NLRP1: variants seen among roughly 807,000 people sequenced by gnomAD.
The protein encoded by NLRP1 is NACHT, LRR and PYD domains-containing protein 1.
A neutral mutation model predicts 136.7 loss-of-function variants in NLRP1; 94 were observed. That is an observed-to-expected ratio of 0.69 (90% CI 0.58 to 0.82). The LOEUF is 0.82. NLRP1 is among the 40% of genes least tolerant of loss of function. NLRP1 has a pLI of 0.00. For missense variants in NLRP1, 1,575 were observed against 1,802.7 expected (o/e 0.87, Z 2.29); for synonymous variants, 690 against 725.1 (o/e 0.95, Z 0.78).
chr17:5,512,641 G>C (rs568118944), downstream of NLRP1: 5 of 398,080 alleles, frequency 1.3e-5, no homozygotes, highest in East Asian at 8.4e-5. Context: ...TGTGTGACCT[G>C]TGCGGTCACA....
At chr17:5,555,635 G>A (rs1229826168) in intron 4 of NLRP1, among the ~76,000 whole-genome samples, 1 of 152,104 alleles carries the variant, frequency 6.6e-6, no homozygotes, top group African/African-American at 2.4e-5. Flanking sequence ...GCTACTTGCA[G>A]TACCTGTATC....
intron 12 of NLRP1, among the ~76,000 whole-genome samples, chr17:5,527,343 T>C (rs71368554): frequency 0.05 from 7,582 of 152,316 alleles, 215 homozygotes; most frequent in Middle Eastern, 0.095. Flanking sequence ...GGGCCGCATG[T>C]GGCCCACAGG....
At chr17:5,520,796 G>A (rs1597396763) in intron 14 of NLRP1, 85 bp downstream of exon 14, 1 of 1,259,788 alleles carries the variant, frequency 7.9e-7, no homozygotes, top group East Asian at 2.6e-5. Context: ...CTGTCCCTGA[G>A]AAAGCCCTGA....
intron 13 of NLRP1, 70 bp downstream of exon 13, chr17:5,521,454 G>T: frequency 1.3e-6 from 2 of 1,525,128 alleles, no homozygotes; most frequent in Non-Finnish European, 1.8e-6. Flanking sequence ...CCCTCTAGGG[G>T]GCTCTCTGGC....
At chr17:5,508,088 C>T (rs532000471) in intron 15 of NLRP1, among the ~76,000 whole-genome samples, 42 of 151,306 alleles carry the variant, frequency 2.8e-4, no homozygotes, top group African/African-American at 9.2e-4. Flanking sequence ...GAGCTGACAT[C>T]GTGTCATTGC....
intron 5 of NLRP1, among the ~76,000 whole-genome samples, chr17:5,550,795 T>C (rs999443128): frequency 6.6e-6 from 1 of 152,202 alleles, no homozygotes; most frequent in South Asian, 2.1e-4. Context: ...GGAAAACAAA[T>C]TCTTAAGGTG....
Position 5,504,809 on chromosome 17 carries a change from C to T in NLRP1, c.4070-2937G>A, listed in dbSNP as rs1009822149. ...TTCCCAGGCCGCATTCTGGGCCTCA[C>T]CCTGCAGCAAAACAGACTTGTTCCC... On this transcript the variant is annotated intron_variant, in intron 15 of 15. Transcript: ENST00000262467. This position sits in a 1 kb window ranked among gnomAD's most constrained non-coding sequence, Gnocchi z 4.4. The T allele has an allele frequency of 1.3e-5, 2 of 152,546 alleles. No individual in the cohort carries two copies. Among genetic ancestry groups the T allele is most frequent in the African/African-American group, 4.8e-5 (2 of 41,450 alleles). The allele number at this position is 152,546 out of a possible 1,614,324, so 9.4% of individuals were successfully genotyped here. A position where few individuals can be genotyped will look rare whatever the true frequency, so the allele number is the denominator to read the frequency against.
In NLRP1 at chr17:5,559,659, T is replaced by C; in HGVS notation, c.1037A>G (p.Gln346Arg). The change falls in exon 4 of 17, where the codon CAG becomes CGG. Residue 346 changes from glutamine (Q) to arginine (R), a missense_variant. Physicochemically the swap from Gln to Arg is conservative, Grantham distance 43. Coordinates refer to ENST00000572272, the MANE Select transcript of NLRP1 (RefSeq NM_033004.4). The stretch of plus-strand genomic sequence containing the variant: ...GCCTCTCCCCCAGGCTTCCTTCACC[T>C]GCCTGGCCAGTGTTGACTTCCCAAT... ...AGIGKSTLARQVKEAWGRGQL... is the reference protein window; with the variant it reads ...AGIGKSTLARRVKEAWGRGQL... The C allele has an allele frequency of 6.2e-7, 1 of 1,614,246 alleles. No individual in the cohort carries two copies. The highest frequency in any genetic ancestry group is 8.5e-7 in the Non-Finnish European group (1 of 1,180,046).
At chr17:5,532,797 G>T (rs200822714) in intron 11 of NLRP1, 25 bp downstream of exon 11, 13 of 1,564,360 alleles carry the variant, frequency 8.3e-6, no homozygotes, top group Non-Finnish European at 1.1e-5. Context: ...GGCCAGCCTG[G>T]GACCAGCAGA....
In NLRP1 at chr17:5,539,456, A is replaced by G. The variant is rs373779185; in HGVS notation, c.2829T>C (p.Cys943=). 6.2e-7 allele frequency: 1 copy of G among 1,614,014 alleles called. No individual in the cohort carries two copies. The highest frequency in any genetic ancestry group is 8.5e-7 in the Non-Finnish European group (1 of 1,179,980). The part of the protein sequence containing the change: ...NLDDVGVRLL[C]EGLRHPACKL... ...TGCAGGCAGGATGCCTGAGCCCCTCACAGAGCAGTCGCACGCCAACGTCAT... is the reference window on the plus strand; with the variant it reads ...TGCAGGCAGGATGCCTGAGCCCCTCGCAGAGCAGTCGCACGCCAACGTCAT... Residue 943 remains cysteine (C), a synonymous_variant, in exon 7 of 17, where the codon TGT becomes TGC. Transcript: ENST00000572272.
At chr17:5,554,812 A>G (rs1237191767) in intron 4 of NLRP1, among the ~76,000 whole-genome samples, 3 of 152,182 alleles carry the variant, frequency 2.0e-5, no homozygotes, top group Admixed American at 1.3e-4. Context: ...GATTGAGCCC[A>G]GGAGTTTAAG....
rs200567045 is a variant in NLRP1, at chr17:5,530,497, G to A, written c.3504C>T (p.His1168=). 12 of 1,614,042 alleles carry A rather than the reference G, an allele frequency of 7.4e-6. No individual in the cohort carries two copies. The highest frequency in any genetic ancestry group is 1.0e-5 in the Non-Finnish European group (12 of 1,179,988). The change falls in exon 12 of 17, where the codon CAC becomes CAT. Residue 1168 remains histidine, a synonymous_variant. Transcript: ENST00000572272. ...PGAVEAVHLP[H]FVALQGGHVD... ...GTTGTTTACCTTGGAGAGCCACAAA[G>A]TGAGGGAGGTGCACAGCTTCCACAG...
intron 5 of NLRP1, 124 bp downstream of exon 5, chr17:5,553,262 C>A: frequency 2.4e-6 from 2 of 836,532 alleles, no homozygotes; most frequent in Non-Finnish European, 3.4e-6. Flanking sequence ...AAAGTCATCC[C>A]GGCCAGAGAA....
chr17:5,526,732 G>T (rs1909596968), intron 12 of NLRP1, among the ~76,000 whole-genome samples: 1 of 152,162 alleles, frequency 6.6e-6, no homozygotes, highest in South Asian at 2.1e-4. Context: ...ATGTTTGGTG[G>T]TCTTGACATT....
chr17:5,527,478 G>A (rs1430137628), intron 12 of NLRP1, among the ~76,000 whole-genome samples: 2 of 152,084 alleles, frequency 1.3e-5, no homozygotes, highest in Non-Finnish European at 2.9e-5. Flanking sequence ...GACTGGGGAG[G>A]GGTAGGGGTG....
In NLRP1 at chr17:5,530,587, C is replaced by G. The variant is rs201803660; in HGVS notation, c.3414G>C (p.Glu1138Asp). The change falls in exon 12 of 17, where the codon GAG becomes GAC. Residue 1138 changes from glutamate to aspartate, a missense_variant. Physicochemically the swap from Glu to Asp is conservative, Grantham distance 45. Transcript: ENST00000572272. ...CCATCCAGCTGTGCTGTGGGTTGAT[C>G]TCACCCAGGAACTGGTCCCACACAC... ...EFCVWDQFLGEINPQHSWMVA... is the reference protein window; with the variant it reads ...EFCVWDQFLGDINPQHSWMVA... 2 of 1,614,234 alleles carry G rather than the reference C, an allele frequency of 1.2e-6. No homozygotes were observed. Among genetic ancestry groups the G allele is most frequent in the South Asian group, 2.2e-5 (2 of 91,088 alleles).
chr17:5,517,613 C>T (rs910118648), intron 15 of NLRP1, 133 bp downstream of exon 15: 28 of 1,017,348 alleles, frequency 2.8e-5, no homozygotes, highest in Non-Finnish European at 3.5e-5. Flanking sequence ...GTCTTGAACT[C>T]CTGACCTTGT....
intron 14 of NLRP1, chr17:5,518,468 C>T (rs565005806): frequency 2.6e-5 from 4 of 152,432 alleles, no homozygotes; most frequent in African/African-American, 9.6e-5. Context: ...AATTCATATA[C>T]TTTTCTCCAT....
At chr17:5,536,243 G>T (rs1911045391) in intron 8 of NLRP1, among the ~76,000 whole-genome samples, 1 of 151,824 alleles carries the variant, frequency 6.6e-6, no homozygotes, top group South Asian at 2.1e-4. Context: ...CTGTCTCCTG[G>T]GTTCATGTGA....
Sources: allele counts gnomAD v4.1 joint callset (sites outside exome capture counted in the v4.1 genomes callset), GRCh38; gene constraint gnomAD v4.1.1; non-coding constraint Gnocchi (gnomAD v3.1); transcripts MANE v1.5; gene names NCBI Gene and HGNC (gene_info 2026-07-23, HGNC 2026-07-21).